Variants in SLC25A13 observed in about 807,000 individuals in gnomAD.
SLC25A13 encodes solute carrier family 25 member 13.
A neutral mutation model predicts 85.5 loss-of-function variants in SLC25A13; 70 were observed. The observed-to-expected ratio is 0.82, with a 90% CI of 0.68 to 1.00. The LOEUF is 1.00. Ranked by LOEUF, SLC25A13 falls within the 50% of genes least tolerant of loss-of-function variation. The probability of loss-of-function intolerance (pLI) is 0.00; values close to 1 mark genes in which losing one functional copy is unlikely to be tolerated. For missense variants in SLC25A13, 765 were observed against 819.8 expected (o/e 0.93, Z 0.82); for synonymous variants, 259 against 288.7 (o/e 0.90, Z 1.04).
chr7:96,172,940 A>G (rs1409773340), intron 11 of SLC25A13, among the ~76,000 whole-genome samples: 3 of 152,072 alleles, frequency 2.0e-5, no homozygotes, highest in Non-Finnish European at 4.4e-5. Flanking sequence ...TTGTATTTTT[A>G]GTAGAGATGG....
chr7:96,239,938 G>GA lies in SLC25A13; in HGVS notation c.213-5022dup, dbSNP rs143434342. ...TACTATAAAATACTGGGCCAAAGAA[G>GA]AAAGAGTTGAAAAGTGAATTGCATC... On this transcript the variant is annotated intron_variant, in intron 3 of 17. Transcript: ENST00000265631. Among the ~76,000 whole-genome samples the GA allele has an allele frequency of 4.7e-3, 717 of 152,302 alleles. 5 individuals carry two copies. Among genetic ancestry groups the GA allele is most frequent in the South Asian group, 0.028 (133 of 4,826 alleles).
At chr7:96,237,065 C>T (rs1796771641) in intron 3 of SLC25A13, among the ~76,000 whole-genome samples, 2 of 152,172 alleles carry the variant, frequency 1.3e-5, no homozygotes, top group Admixed American at 1.3e-4. Flanking sequence ...CTTTCCAAAC[C>T]CCCTTTCCTT....
rs1419452363 is a variant in SLC25A13 at position 96,227,163 on chromosome 7, A to G, written c.328+7639T>C. Among the ~76,000 whole-genome samples, 3 of 152,340 alleles carry G rather than the reference A, an allele frequency of 2.0e-5. No individual in the cohort carries two copies. In the East Asian group the frequency reaches 5.8e-4, roughly 29 times the overall value. On this transcript the variant is annotated intron_variant, in intron 4 of 17. Coordinates refer to ENST00000265631, the MANE Select transcript of SLC25A13 (RefSeq NM_014251.3). Reference sequence around the variant, plus strand: ...CTGATTCATCCTTGGCAGTAGTCCTATCTGCAAAATTGTACACATGCACCA... The same window carrying G: ...CTGATTCATCCTTGGCAGTAGTCCTGTCTGCAAAATTGTACACATGCACCA...
chr7:96,213,254 T>C (rs1795770752), intron 4 of SLC25A13, among the ~76,000 whole-genome samples: 1 of 152,188 alleles, frequency 6.6e-6, no homozygotes, highest in African/African-American at 2.4e-5. Flanking sequence ...CATTTCTCCC[T>C]CACTCTGGGA....
chr7:96,207,980 CT>C (rs142908752), intron 5 of SLC25A13, among the ~76,000 whole-genome samples: 5,109 of 152,250 alleles, frequency 0.034, 219 homozygotes, highest in African/African-American at 0.098. Flanking sequence ...GGCTTCCCCC[CT>C]GCCCCCATTA....
At chr7:96,158,922 G>A (rs1273365383) in intron 13 of SLC25A13, among the ~76,000 whole-genome samples, 1 of 152,196 alleles carries the variant, frequency 6.6e-6, no homozygotes, top group Non-Finnish European at 1.5e-5. Context: ...ATAGAGACAT[G>A]AAAATAATTT....
rs1485922692 is a variant in SLC25A13, at chr7:96,184,313, CT to C, written c.1140del (p.Val381CysfsTer27). ...MYKNSFDCFK[K>X]VLRYEGFFGL... ...CCAAAGAAGCCTTCATAGCGTAGCACTTTCTTAAAACAGTCAAAGCTGTTTT... is the reference window on the plus strand; with the variant it reads ...CCAAAGAAGCCTTCATAGCGTAGCACTTCTTAAAACAGTCAAAGCTGTTTT... On this transcript the variant is annotated frameshift_variant, in exon 11 of 18. Coordinates refer to ENST00000265631, the MANE Select transcript of SLC25A13 (RefSeq NM_014251.3). LOFTEE classifies it high-confidence loss of function. The C allele has an allele frequency of 6.2e-7, 1 of 1,614,056 alleles. No homozygotes were observed. Among genetic ancestry groups the C allele is most frequent in the African/African-American group, 1.3e-5 (1 of 74,926 alleles).
At chr7:96,234,585 T>C (rs1796673921) in intron 4 of SLC25A13, among the ~76,000 whole-genome samples, 1 of 152,122 alleles carries the variant, frequency 6.6e-6, no homozygotes, top group Non-Finnish European at 1.5e-5. Context: ...TAAAACTAAA[T>C]CAGAGTATCA....
At chr7:96,187,508 G>A (rs1794684857) in intron 9 of SLC25A13, among the ~76,000 whole-genome samples, 1 of 152,100 alleles carries the variant, frequency 6.6e-6, no homozygotes, top group Admixed American at 6.5e-5. Flanking sequence ...TTTGACAGAT[G>A]CATCCAAAAG....
chr7:96,202,940 C>T (rs1197341731), intron 5 of SLC25A13, among the ~76,000 whole-genome samples: 2 of 152,148 alleles, frequency 1.3e-5, no homozygotes, highest in Non-Finnish European at 2.9e-5. Context: ...TTTGTCTGGC[C>T]TATCCCTGTA....
chr7:96,188,673 C>G lies in SLC25A13; in HGVS notation c.933+621G>C, dbSNP rs182231283. 2.3e-3 allele frequency among the ~76,000 whole-genome samples: 354 copies of G among 152,292 alleles called. 4 individuals are homozygous for G. The highest frequency in any genetic ancestry group is 4.2e-3 in the Admixed American group (64 of 15,290). ...TGGGTAAGAGTTAAAGGAGAAAGTT[C>G]CATGTCTTAAGTTTCTGACTCCCAC... is the stretch of plus-strand genomic sequence containing the variant. On this transcript the variant is annotated intron_variant, in intron 9 of 17. Coordinates refer to ENST00000265631, the MANE Select transcript of SLC25A13 (RefSeq NM_014251.3).
chr7:96,227,483 C>T (rs10953168), intron 4 of SLC25A13, among the ~76,000 whole-genome samples: 81,414 of 151,942 alleles, frequency 0.54, 23,022 homozygotes, highest in Non-Finnish European at 0.62. Flanking sequence ...CCAAGAATAG[C>T]CGAGATAATC....
intron 4 of SLC25A13, among the ~76,000 whole-genome samples, chr7:96,227,647 A>C (rs1172251418): frequency 6.6e-6 from 1 of 152,218 alleles, no homozygotes; most frequent in African/African-American, 2.4e-5. Flanking sequence ...GTACCACTGC[A>C]GTGCAATAAA....
intron 1 of SLC25A13, among the ~76,000 whole-genome samples, chr7:96,298,067 T>C (rs772284380): frequency 3.9e-5 from 6 of 152,168 alleles, no homozygotes; most frequent in Admixed American, 6.5e-5. Context: ...ATCATGAGAC[T>C]GGGTTCCCAC....
rs940150450 is a variant in SLC25A13, at chr7:96,120,960, T to A, written c.*231A>T. ...TGACCAAATCCCATCAATTTTCAGA[T>A]GCAAACAAAGGTTTCTGGGCAGAGG... On this transcript the variant is annotated 3_prime_UTR_variant, in exon 18 of 18. Transcript: ENST00000265631. 9 of 645,194 alleles carry A rather than the reference T, an allele frequency of 1.4e-5. No individual in the cohort carries two copies. Among genetic ancestry groups the A allele is most frequent in the Non-Finnish European group, 2.3e-5 (8 of 353,730 alleles). 40.0% of individuals were successfully genotyped at this position (645,194 alleles called of 1,614,324 possible).
intron 4 of SLC25A13, among the ~76,000 whole-genome samples, chr7:96,225,828 A>T (rs957648808): frequency 1.3e-5 from 2 of 152,128 alleles, no homozygotes; most frequent in Non-Finnish European, 2.9e-5. Flanking sequence ...ATATTCTGAC[A>T]TCATATTTTT....
In SLC25A13 at chr7:96,193,164, G is replaced by A; in HGVS notation, c.488C>T (p.Ala163Val). 6.2e-7 allele frequency: 1 copy of A among 1,614,078 alleles called. No individual in the cohort carries two copies. The highest frequency in any genetic ancestry group is 8.5e-7 in the Non-Finnish European group (1 of 1,180,004). The part of the protein sequence containing the change: ...QFLLEIQLEH[A>V]KQAFVQRDNA... ...GTCCCGTTGCACAAAGGCTTGCTTTGCGTGCTCCAGTTGTATTTCCTACAA... is the reference window on the plus strand; with the variant it reads ...GTCCCGTTGCACAAAGGCTTGCTTTACGTGCTCCAGTTGTATTTCCTACAA... The change falls in exon 6 of 18, where the codon GCA (alanine) becomes GTA (valine). Residue 163 changes from alanine to valine, a missense_variant. Transcript: ENST00000265631.
Position 96,200,081 on chromosome 7 carries a change from T to G in SLC25A13, c.469-6898A>C, listed in dbSNP as rs142619038. 7.8e-3 allele frequency among the ~76,000 whole-genome samples: 1,191 copies of G among 152,126 alleles called. 15 individuals are homozygous for G. The highest frequency in any genetic ancestry group is 0.027 in the African/African-American group (1,106 of 41,496). On this transcript the variant is annotated intron_variant, in intron 5 of 17. Transcript: ENST00000265631. ...GTGATTTATATTATAAAGCCAAAAATGCCAAAAAATAAATATATATATTTT... is the reference window on the plus strand; with the variant it reads ...GTGATTTATATTATAAAGCCAAAAAGGCCAAAAAATAAATATATATATTTT...
chr7:96,154,869 C>T (rs2116514142), intron 13 of SLC25A13, among the ~76,000 whole-genome samples: 1 of 150,660 alleles, frequency 6.6e-6, no homozygotes, highest in Non-Finnish European at 1.5e-5. Context: ...ACAATCTTGG[C>T]TCAATGTAAC....
Sources: allele counts gnomAD v4.1 joint callset (sites outside exome capture counted in the v4.1 genomes callset), GRCh38; gene constraint gnomAD v4.1.1; transcripts MANE v1.5; gene names NCBI Gene and HGNC (gene_info 2026-07-23, HGNC 2026-07-21).